NRXN3: variants seen among roughly 807,000 people sequenced by gnomAD.
NRXN3 encodes neurexin 3, also known as neurexin III.
In NRXN3, 32 loss-of-function variants were observed where a neutral mutation model predicts 137.6. The observed-to-expected ratio is 0.23, with a 90% CI of 0.18 to 0.31. The LOEUF is 0.31. Ranked by LOEUF, NRXN3 falls within the 10% of genes least tolerant of loss-of-function variation. NRXN3 has a pLI of 1.00. For missense variants in NRXN3, 1,574 were observed against 2,062.5 expected (o/e 0.76, Z 4.59); for synonymous variants, 798 against 784.5 (o/e 1.02, Z -0.29).
At chr14:79,015,639 A>G (rs2099577954) in intron 15 of NRXN3, among the ~76,000 whole-genome samples, 2 of 152,156 alleles carry the variant, frequency 1.3e-5, no homozygotes, top group Admixed American at 1.3e-4. Context: ...CCCGCCTCCC[A>G]AGTCCTTAAT....
At chr14:79,565,024 C>T (rs115156700) in intron 16 of NRXN3, among the ~76,000 whole-genome samples, 153 of 152,078 alleles carry the variant, frequency 1.0e-3, no homozygotes, top group African/African-American at 3.6e-3. Flanking sequence ...CCAGAGAAGT[C>T]AGGAGTATTA....
In NRXN3 at chr14:79,557,929, T is replaced by G. The variant is rs374731316; in HGVS notation, c.3444+90527T>G. On this transcript the variant is annotated intron_variant, in intron 16 of 20. Transcript: ENST00000335750. ...CATCCTCTCAAACCCAGCTGCTCCC[T>G]TATCAACTAAGTTTATGAAATATTC... Among the ~76,000 whole-genome samples, 9 of 152,184 alleles carry G rather than the reference T, an allele frequency of 5.9e-5. No homozygotes were observed. In the East Asian group the frequency reaches 1.2e-3, roughly 20 times the overall value.
At chr14:78,817,679 AAG>A (rs947718424) in intron 10 of NRXN3, among the ~76,000 whole-genome samples, 5 of 152,298 alleles carry the variant, frequency 3.3e-5, no homozygotes, top group Non-Finnish European at 5.9e-5. Flanking sequence ...GAGAGGAAGC[AAG>A]AGAGAGAAAC....
chr14:78,648,033 G>A (rs1261603896), intron 5 of NRXN3, among the ~76,000 whole-genome samples: 2 of 152,186 alleles, frequency 1.3e-5, no homozygotes, highest in African/African-American at 4.8e-5. Context: ...TGGAGCAGAA[G>A]TCTCCTCATT....
chr14:78,819,145 CTG>C (rs946718338), intron 10 of NRXN3, among the ~76,000 whole-genome samples: 9 of 152,224 alleles, frequency 5.9e-5, no homozygotes, highest in African/African-American at 2.2e-4. Flanking sequence ...GTTTCAGGGA[CTG>C]TAATTTTAGT....
chr14:78,394,569 C>T (rs958330153), intron 4 of NRXN3, among the ~76,000 whole-genome samples: 15 of 151,588 alleles, frequency 9.9e-5, no homozygotes, highest in African/African-American at 3.1e-4. Context: ...TTTGGTATCA[C>T]GATAATAACT....
chr14:79,780,089 C>G (rs1006139459), intron 19 of NRXN3, among the ~76,000 whole-genome samples: 5 of 151,966 alleles, frequency 3.3e-5, no homozygotes, highest in Admixed American at 2.0e-4. Context: ...ATCCACAATT[C>G]TATTTTCCCA....
At chr14:79,670,010 A>G (rs2098597962) in intron 17 of NRXN3, among the ~76,000 whole-genome samples, 1 of 152,000 alleles carries the variant, frequency 6.6e-6, no homozygotes, top group African/African-American at 2.4e-5. Context: ...CGCCAACCAT[A>G]TGTTGCTATT....
rs1274154916 is a variant in NRXN3, at chr14:79,174,520, C to T, written c.3262+186379C>T. Among the ~76,000 whole-genome samples, 70 of 73,520 alleles carry T rather than the reference C, an allele frequency of 9.5e-4. 1 individual carries two copies. The highest frequency in any genetic ancestry group is 8.2e-3 in the Middle Eastern group (1 of 122). 48.2% of individuals were successfully genotyped at this position (73,520 alleles called of 152,430 possible). A position where few individuals can be genotyped will look rare whatever the true frequency, so the allele number is the denominator to read the frequency against. Reference sequence around the variant, plus strand: ...AAAGTTTTATATATATATATATATACACACACATATATATGCTTTGATCAG... The same window carrying T: ...AAAGTTTTATATATATATATATATATACACACATATATATGCTTTGATCAG... On this transcript the variant is annotated intron_variant, in intron 15 of 20. Coordinates refer to ENST00000335750, the MANE Select transcript of NRXN3 (RefSeq NM_001330195.2).
At chr14:78,585,314 A>C (rs1264113989) in intron 4 of NRXN3, among the ~76,000 whole-genome samples, 1 of 152,154 alleles carries the variant, frequency 6.6e-6, no homozygotes, top group Non-Finnish European at 1.5e-5. Context: ...AGTTGGAGGC[A>C]CAGGAAGGGG....
chr14:78,329,165 G>A (rs1266529711), intron 4 of NRXN3, among the ~76,000 whole-genome samples: 1 of 152,120 alleles, frequency 6.6e-6, no homozygotes, highest in African/African-American at 2.4e-5. Context: ...AAATAATATA[G>A]TAATTACAAA....
intron 16 of NRXN3, among the ~76,000 whole-genome samples, chr14:79,659,664 A>G (rs2098523606): frequency 6.6e-6 from 1 of 152,128 alleles, no homozygotes. Context: ...GGTGCTTCAC[A>G]TGTCTGTGCT....
At chr14:79,780,217 C>A (rs924623901) in intron 19 of NRXN3, among the ~76,000 whole-genome samples, 1 of 151,866 alleles carries the variant, frequency 6.6e-6, no homozygotes, top group Middle Eastern at 3.4e-3. Flanking sequence ...TTTGTTGTGT[C>A]CTTGCTATTC....
At chr14:79,708,342 A>G (rs2098789490) in intron 19 of NRXN3, among the ~76,000 whole-genome samples, 1 of 152,164 alleles carries the variant, frequency 6.6e-6, no homozygotes, top group Non-Finnish European at 1.5e-5. Flanking sequence ...ATGCCATTTT[A>G]TATTGAGGAC....
intron 4 of NRXN3, among the ~76,000 whole-genome samples, chr14:78,593,581 C>T (rs1177811069): frequency 6.6e-6 from 1 of 152,156 alleles, no homozygotes; most frequent in Non-Finnish European, 1.5e-5. Context: ...TGTGGATGTG[C>T]CTTGGCCAAA....
chr14:78,307,067 A>G (rs1338838497), intron 4 of NRXN3, among the ~76,000 whole-genome samples: 1 of 152,194 alleles, frequency 6.6e-6, no homozygotes, highest in Non-Finnish European at 1.5e-5. Context: ...CATTATCAGA[A>G]TCAGAAAAGA....
chr14:79,809,812 A>C (rs778911998), intron 20 of NRXN3, among the ~76,000 whole-genome samples: 28 of 152,290 alleles, frequency 1.8e-4, no homozygotes, highest in Non-Finnish European at 3.7e-4. Context: ...TTCATATTTC[A>C]TTGTCCTTTT....
intron 15 of NRXN3, among the ~76,000 whole-genome samples, chr14:79,227,452 G>A (rs2071144806): frequency 6.6e-6 from 1 of 152,042 alleles, no homozygotes; most frequent in Non-Finnish European, 1.5e-5. Context: ...TTTGTATCCT[G>A]AATCTCGTTT....
chr14:79,217,078 A>G (rs1328861098), intron 15 of NRXN3, among the ~76,000 whole-genome samples: 1 of 152,140 alleles, frequency 6.6e-6, no homozygotes, highest in Non-Finnish European at 1.5e-5. Flanking sequence ...CAGAGGTTGC[A>G]GTGAGCTGAG....
Sources: gnomAD v4.1 joint callset for allele counts (sites outside exome capture counted in the v4.1 genomes callset) on GRCh38, gnomAD v4.1.1 for gene constraint, MANE v1.5 for transcripts, NCBI Gene and HGNC (gene_info 2026-07-23, HGNC 2026-07-21) for gene names.